Variants in ARID2 observed in about 807,000 individuals in gnomAD.
ARID2 encodes AT-rich interaction domain 2.
ARID2 carries 32 observed loss-of-function variants against 184.6 expected under a neutral mutation model. The observed-to-expected ratio is 0.17, with a 90% CI of 0.13 to 0.23. The LOEUF (loss-of-function observed/expected upper bound fraction) is 0.23. Ranked by LOEUF, ARID2 falls within the 10% of genes least tolerant of loss-of-function variation. ARID2 has a pLI of 1.00. For synonymous variants in ARID2, 836 were observed against 772.6 expected (o/e 1.08, Z -1.36); for missense variants, 1,696 against 2,197.6 (o/e 0.77, Z 4.56).
At chr12:45,807,580 A>G (rs933767038) in intron 3 of ARID2, among the ~76,000 whole-genome samples, 3 of 152,144 alleles carry the variant, frequency 2.0e-5, no homozygotes, top group Admixed American at 1.3e-4. Flanking sequence ...AGTTTTGCCT[A>G]TGGGTTTGGA....
chr12:45,864,283 A>G (rs1943799217), intron 16 of ARID2, among the ~76,000 whole-genome samples: 1 of 152,130 alleles, frequency 6.6e-6, no homozygotes. Flanking sequence ...TTTAGATATA[A>G]ATACTATATA....
In ARID2 at chr12:45,849,977, C is replaced by G. The variant is rs1592118694; in HGVS notation, c.1913-59C>G. Reference sequence around the variant, plus strand: ...CTATTTTCTCTTAAGTAAAATAATTCCTACTTGGGATTTTCAGTCATTTCA... The same window carrying G: ...CTATTTTCTCTTAAGTAAAATAATTGCTACTTGGGATTTTCAGTCATTTCA... On this transcript the variant is annotated intron_variant, in intron 14 of 20. Coordinates refer to ENST00000334344, the MANE Select transcript of ARID2 (RefSeq NM_152641.4). The G allele has an allele frequency of 5.2e-6, 8 of 1,529,588 alleles. No individual in the cohort carries two copies. In the East Asian group the frequency reaches 1.6e-4, roughly 30 times the overall value. 94.8% of individuals were successfully genotyped at this position (1,529,588 alleles called of 1,614,324 possible). A position where few individuals can be genotyped will look rare whatever the true frequency, so the allele number is the denominator to read the frequency against.
At chr12:45,904,725 A>C (rs1270816353) in intron 20 of ARID2, among the ~76,000 whole-genome samples, 1 of 150,424 alleles carries the variant, frequency 6.6e-6, no homozygotes, top group Non-Finnish European at 1.5e-5. Context: ...GGTACTATGC[A>C]GAAAAGGCAA....
Position 45,904,994 on chromosome 12 carries a change from C to G in ARID2, c.5424C>G (p.Ser1808=), listed in dbSNP as rs371344003. Residue 1808 remains serine, a synonymous_variant, in exon 21 of 21, where the codon TCC becomes TCG. Transcript: ENST00000334344. ...TAGCCATTAGTAACATGGAAGCTTCCTCCACCCTTGCCAAATGCCTTTATG... is the reference window on the plus strand; with the variant it reads ...TAGCCATTAGTAACATGGAAGCTTCGTCCACCCTTGCCAAATGCCTTTATG... The part of the protein sequence containing the change: ...SVLAISNMEA[S]STLAKCLYEL... 4 of 1,613,826 alleles carry G rather than the reference C, an allele frequency of 2.5e-6. No individual in the cohort carries two copies. Among genetic ancestry groups the G allele is most frequent in the Non-Finnish European group, 1.7e-6 (2 of 1,179,964 alleles).
At chr12:45,893,117 G>A (rs998645417) in intron 18 of ARID2, among the ~76,000 whole-genome samples, 2 of 152,116 alleles carry the variant, frequency 1.3e-5, no homozygotes, top group Non-Finnish European at 2.9e-5. Flanking sequence ...TCGATGCTAC[G>A]TTGAATTTGT....
intron 3 of ARID2, among the ~76,000 whole-genome samples, chr12:45,739,795 C>A (rs1038806978): frequency 9.9e-5 from 15 of 152,224 alleles, no homozygotes; most frequent in Non-Finnish European, 1.9e-4. Context: ...TATAAACATA[C>A]ATGAGATCAG....
At chr12:45,794,420 C>T (rs1413306392) in intron 3 of ARID2, among the ~76,000 whole-genome samples, 2 of 152,202 alleles carry the variant, frequency 1.3e-5, no homozygotes, top group African/African-American at 4.8e-5. Context: ...ACCCTTTGCT[C>T]TATCTCTTTA....
At position 45,862,955 on chromosome 12, in the gene ARID2, A is replaced by T. The variant is rs576991777; in HGVS notation, c.4922+2006A>T. ...TAATAAGTTTAGTTTTAGTCTGCAAATATTTGTTAAGCATCCTCTACGAGG... is the reference window on the plus strand; with the variant it reads ...TAATAAGTTTAGTTTTAGTCTGCAATTATTTGTTAAGCATCCTCTACGAGG... On this transcript the variant is annotated intron_variant, in intron 16 of 20. Coordinates refer to ENST00000334344, the MANE Select transcript of ARID2 (RefSeq NM_152641.4). 2.4e-4 allele frequency among the ~76,000 whole-genome samples: 36 copies of T among 152,194 alleles called. No individual in the cohort carries two copies. In the East Asian group the frequency reaches 6.6e-3, roughly 28 times the overall value.
chr12:45,810,595 G>A (rs1942688608), intron 3 of ARID2, among the ~76,000 whole-genome samples: 1 of 152,048 alleles, frequency 6.6e-6, no homozygotes, highest in Non-Finnish European at 1.5e-5. Flanking sequence ...ACAAAAGAAT[G>A]TTACAAAAGA....
intron 16 of ARID2, among the ~76,000 whole-genome samples, chr12:45,862,203 A>G (rs1943761617): frequency 1.3e-5 from 2 of 152,174 alleles, no homozygotes; most frequent in African/African-American, 4.8e-5. Context: ...AAAAAATTAA[A>G]TATATCATAG....
Position 45,850,850 on chromosome 12 carries a change from A to T in ARID2, c.2727A>T (p.Thr909=), listed in dbSNP as rs201992944. The T allele has an allele frequency of 2.1e-4, 332 of 1,614,028 alleles. 1 individual carries two copies. Among genetic ancestry groups the T allele is most frequent in the Admixed American group, 3.3e-4 (20 of 59,996 alleles). ...KPLPSQQVSS[T]VVQQPIQQPQ... ...TCCCTTCTCAGCAAGTTTCATCTAC[A>T]GTGGTACAGCAGCCTATTCAACAAC... The change falls in exon 15 of 21, where the codon ACA becomes ACT. Residue 909 remains threonine, a synonymous_variant. Transcript: ENST00000334344.
At chr12:45,834,071 C>A (rs1484566474) in intron 6 of ARID2, among the ~76,000 whole-genome samples, 2 of 152,172 alleles carry the variant, frequency 1.3e-5, no homozygotes, top group Non-Finnish European at 2.9e-5. Flanking sequence ...AAATACCAGT[C>A]AATCATTGGA....
At chr12:45,858,759 C>A (rs1943695048) in intron 15 of ARID2, among the ~76,000 whole-genome samples, 1 of 152,184 alleles carries the variant, frequency 6.6e-6, no homozygotes, top group Admixed American at 6.5e-5. Flanking sequence ...TAGTAAAAAT[C>A]AGATTGAAAG....
intron 16 of ARID2, among the ~76,000 whole-genome samples, chr12:45,876,533 A>G (rs1944011438): frequency 6.6e-6 from 1 of 151,096 alleles, no homozygotes; most frequent in Non-Finnish European, 1.5e-5. Context: ...CCTGGGCAAC[A>G]AGAGCGAAAC....
rs190785470 is a variant in ARID2 at position 45,803,704 on chromosome 12, G to T, written c.285-7714G>T. On this transcript the variant is annotated intron_variant, in intron 3 of 20. Coordinates refer to ENST00000334344, the MANE Select transcript of ARID2 (RefSeq NM_152641.4). ...TATTGCATAGTATGGTTGACAATAG[G>T]TTCAGGTGAGAAGCGTCTACTCTGC... Among the ~76,000 whole-genome samples, 266 of 152,218 alleles carry T rather than the reference G, an allele frequency of 1.7e-3. 2 individuals are homozygous for T. The highest frequency in any genetic ancestry group is 6.0e-3 in the African/African-American group (249 of 41,544).
At chr12:45,794,419 T>G (rs1166985789) in intron 3 of ARID2, among the ~76,000 whole-genome samples, 1 of 152,228 alleles carries the variant, frequency 6.6e-6, no homozygotes, top group Admixed American at 6.5e-5. Context: ...AACCCTTTGC[T>G]CTATCTCTTT....
At chr12:45,848,805 T>A (rs1430572037) in intron 12 of ARID2, 31 bp from the exon 13 acceptor site, 6 of 1,582,508 alleles carry the variant, frequency 3.8e-6, no homozygotes, top group Middle Eastern at 1.8e-4. Flanking sequence ...TAGAGTATAT[T>A]GTATAATGCT....
At chr12:45,873,442 C>G (rs1292897167) in intron 16 of ARID2, among the ~76,000 whole-genome samples, 1 of 152,136 alleles carries the variant, frequency 6.6e-6, no homozygotes, top group African/African-American at 2.4e-5. Context: ...GTTAGCTGAG[C>G]ACTTTTTATG....
chr12:45,766,954 G>C (rs926860160), intron 3 of ARID2, among the ~76,000 whole-genome samples: 2 of 152,016 alleles, frequency 1.3e-5, no homozygotes, highest in African/African-American at 4.8e-5. Context: ...GGCAACAAGA[G>C]CGAAACTCTG....
Sources: allele counts gnomAD v4.1 joint callset (sites outside exome capture counted in the v4.1 genomes callset), GRCh38; gene constraint gnomAD v4.1.1; transcripts MANE v1.5; gene names NCBI Gene and HGNC (gene_info 2026-07-23, HGNC 2026-07-21).